Variants in ATP8A2 observed in about 807,000 individuals in gnomAD.
ATP8A2 encodes the protein ATPase phospholipid transporting 8A2, also known as phospholipid-transporting ATPase IB.
A neutral mutation model predicts 165.6 loss-of-function variants in ATP8A2; 100 were observed. The observed-to-expected ratio is 0.60, with a 90% CI of 0.51 to 0.71. The LOEUF is 0.71. Ranked by LOEUF, ATP8A2 falls within the 30% of genes least tolerant of loss-of-function variation. The pLI, the probability that ATP8A2 is intolerant of heterozygous loss-of-function variation, is 0.00. For missense variants in ATP8A2, 1,227 were observed against 1,479.5 expected (o/e 0.83, Z 2.80); for synonymous variants, 543 against 548.8 (o/e 0.99, Z 0.15).
chr13:25,765,956 T>C (rs1197341151), intron 25 of ATP8A2, among the ~76,000 whole-genome samples: 2 of 152,206 alleles, frequency 1.3e-5, no homozygotes, highest in African/African-American at 2.4e-5. Context: ...GTGGGCTTCC[T>C]TTCTCTCCAG....
intron 24 of ATP8A2, among the ~76,000 whole-genome samples, chr13:25,603,461 ACT>A (rs2040439227): frequency 2.2e-5 from 3 of 134,392 alleles, no homozygotes; most frequent in Non-Finnish European, 3.1e-5. Flanking sequence ...ACAGAATGAG[ACT>A]CTGTCTCAAA....
At chr13:25,591,381 C>A (rs1257583305) in intron 24 of ATP8A2, 3 of 456,548 alleles carry the variant, frequency 6.6e-6, no homozygotes, top group Admixed American at 2.3e-5. Flanking sequence ...GCTGTAAGTA[C>A]CTCGTGTAAG....
intron 30 of ATP8A2, among the ~76,000 whole-genome samples, chr13:25,853,396 A>AT (rs59573616): frequency 0.014 from 1,513 of 107,808 alleles, 43 homozygotes; most frequent in African/African-American, 0.045. Context: ...ATCTAAAAAA[A>AT]ATATATATAT....
Position 25,468,962 on chromosome 13 carries a change from G to T in ATP8A2, c.77-15G>T. ...TCTTTGTGTCGTATTCTCTGCCTGC[G>T]CCCTGTCTCTGCAGGACCTGTTCGT... On this transcript the variant is annotated splice_polypyrimidine_tract_variant and intron_variant, in intron 1 of 36. Coordinates refer to ENST00000381655, the MANE Select transcript of ATP8A2 (RefSeq NM_016529.6). 1.9e-6 allele frequency: 3 copies of T among 1,613,034 alleles called. No homozygotes were observed. Among genetic ancestry groups the T allele is most frequent in the Non-Finnish European group, 2.5e-6 (3 of 1,179,318 alleles).
chr13:25,623,050 T>C (rs1181918947), intron 24 of ATP8A2, among the ~76,000 whole-genome samples: 3 of 152,182 alleles, frequency 2.0e-5, no homozygotes, highest in Non-Finnish European at 4.4e-5. Context: ...AATATATTCT[T>C]AGAGGCACCC....
intron 1 of ATP8A2, among the ~76,000 whole-genome samples, chr13:25,408,408 G>T (rs971877046): frequency 4.0e-5 from 6 of 150,018 alleles, no homozygotes; most frequent in Non-Finnish European, 7.4e-5. Flanking sequence ...AAAAAAGCTT[G>T]TGCAGGATCC....
At chr13:25,906,530 C>T (rs972654388) in intron 33 of ATP8A2, among the ~76,000 whole-genome samples, 1 of 152,104 alleles carries the variant, frequency 6.6e-6, no homozygotes, top group Non-Finnish European at 1.5e-5. Context: ...CTCCTCTCTG[C>T]CTTTTGATGA....
intron 33 of ATP8A2, among the ~76,000 whole-genome samples, chr13:25,905,158 C>A (rs186651075): frequency 2.6e-5 from 4 of 152,188 alleles, no homozygotes; most frequent in Admixed American, 2.6e-4. Flanking sequence ...AGAGACATCA[C>A]CCATCTTCTC....
At chr13:25,390,785 C>T (rs1409558381) in intron 1 of ATP8A2, among the ~76,000 whole-genome samples, 2 of 151,930 alleles carry the variant, frequency 1.3e-5, no homozygotes, top group African/African-American at 2.4e-5. Context: ...CAAAACTTAG[C>T]TGGGTGTGGT....
intron 1 of ATP8A2, among the ~76,000 whole-genome samples, chr13:25,393,096 G>A (rs1430343482): frequency 1.3e-5 from 2 of 149,626 alleles, no homozygotes; most frequent in Non-Finnish European, 3.0e-5. Context: ...TTAGTTCATG[G>A]ATACTTTTTT....
intron 35 of ATP8A2, among the ~76,000 whole-genome samples, chr13:26,010,582 T>G (rs1251243532): frequency 6.6e-6 from 1 of 152,196 alleles, no homozygotes; most frequent in Non-Finnish European, 1.5e-5. Flanking sequence ...CAGGCCCTTC[T>G]TTATACCTGC....
chr13:25,731,312 C>T (rs1049535476), intron 25 of ATP8A2, among the ~76,000 whole-genome samples: 37 of 92,564 alleles, frequency 4.0e-4, no homozygotes, highest in African/African-American at 6.8e-4. Context: ...AAGAAAAGAC[C>T]GGAAGGAGAG....
At chr13:25,751,696 A>C (rs1593293375) in intron 25 of ATP8A2, among the ~76,000 whole-genome samples, 1 of 152,160 alleles carries the variant, frequency 6.6e-6, no homozygotes, top group South Asian at 2.1e-4. Flanking sequence ...TAAGCCCAGG[A>C]GTTTGGCCTC....
chr13:25,406,836 A>G (rs979121815), intron 1 of ATP8A2, among the ~76,000 whole-genome samples: 3 of 152,272 alleles, frequency 2.0e-5, no homozygotes, highest in Admixed American at 6.5e-5. Flanking sequence ...AAACCGTTGT[A>G]TAGCTAATGC....
chr13:25,450,690 C>A (rs548041723), intron 1 of ATP8A2, among the ~76,000 whole-genome samples: 2 of 152,188 alleles, frequency 1.3e-5, no homozygotes, highest in African/African-American at 4.8e-5. Context: ...CGCCACCATG[C>A]CCGGCTAATT....
chr13:25,740,307 TCAAA>T (rs2043882186), intron 25 of ATP8A2, among the ~76,000 whole-genome samples: 1 of 91,058 alleles, frequency 1.1e-5, no homozygotes, highest in African/African-American at 4.6e-5. Flanking sequence ...AGGCTCTATC[TCAAA>T]AAAAAAAAAA....
intron 24 of ATP8A2, among the ~76,000 whole-genome samples, chr13:25,621,124 G>A (rs1214520914): frequency 3.3e-5 from 5 of 152,172 alleles, no homozygotes; most frequent in Non-Finnish European, 7.3e-5. Context: ...CATTCCCAGG[G>A]AAGTCATCTT....
At chr13:25,386,519 C>G (rs1413016047) in intron 1 of ATP8A2, among the ~76,000 whole-genome samples, 1 of 152,158 alleles carries the variant, frequency 6.6e-6, no homozygotes, top group Non-Finnish European at 1.5e-5. Context: ...CCTTGGAATC[C>G]AAATAGCCAT....
Position 26,025,570 on chromosome 13 carries a change from C to G in ATP8A2, c.*5585C>G, listed in dbSNP as rs1957153394. On this transcript the variant is annotated 3_prime_UTR_variant, in exon 37 of 37. Coordinates refer to ENST00000381655, the MANE Select transcript of ATP8A2 (RefSeq NM_016529.6). ...GGGCTGTGGGGGCACGTTTAATTGG[C>G]TCCCAGCAGCGTGGGGGGTGCTTCT... 1 of 152,266 alleles carries G rather than the reference C, an allele frequency of 6.6e-6. No individual in the cohort carries two copies. Among genetic ancestry groups the G allele is most frequent in the Admixed American group, 6.5e-5 (1 of 15,282 alleles). The allele number at this position is 152,266 out of a possible 1,614,324, so 9.4% of individuals were successfully genotyped here.
Sources: allele counts gnomAD v4.1 joint callset (sites outside exome capture counted in the v4.1 genomes callset), GRCh38; gene constraint gnomAD v4.1.1; transcripts MANE v1.5; gene names NCBI Gene and HGNC (gene_info 2026-07-23, HGNC 2026-07-21).